KALRN: variants seen among roughly 807,000 people sequenced by gnomAD.
The protein encoded by KALRN is kalirin.
KALRN carries 70 observed loss-of-function variants against 353.7 expected under a neutral mutation model. The ratio of observed to expected loss-of-function variants is 0.20; its 90% CI spans 0.16 to 0.24. KALRN has a LOEUF of 0.24. KALRN is among the 10% of genes least tolerant of loss of function. The probability of loss-of-function intolerance (pLI) is 1.00; values close to 1 mark genes in which losing one functional copy is unlikely to be tolerated. For synonymous variants in KALRN, 1,391 were observed against 1,434.8 expected (o/e 0.97, Z 0.69); for missense variants, 2,791 against 3,756.7 (o/e 0.74, Z 6.72).
At position 124,382,497 on chromosome 3, in the gene KALRN, G is replaced by A. The variant is rs1176344207; in HGVS notation, c.1771-2348G>A. Among the ~76,000 whole-genome samples the A allele has an allele frequency of 3.3e-5, 5 of 152,128 alleles. No individual in the cohort carries two copies. The East Asian group carries it at 7.7e-4, about 23-fold the overall frequency. ...CAGCCATCCCAATTTTCCCAGGACC[G>A]AGGGGATTTCTGGGACACAGGAATT... On this transcript the variant is annotated intron_variant, in intron 10 of 59. Transcript: ENST00000682506.
intron 34 of KALRN, among the ~76,000 whole-genome samples, chr3:124,568,743 A>G (rs551322200): frequency 6.6e-6 from 1 of 152,348 alleles, no homozygotes; most frequent in African/African-American, 2.4e-5. Flanking sequence ...CCAGACACAA[A>G]AGGACAAATA....
intron 34 of KALRN, among the ~76,000 whole-genome samples, chr3:124,583,198 C>T (rs1292876088): frequency 6.6e-6 from 1 of 152,176 alleles, no homozygotes; most frequent in African/African-American, 2.4e-5. Context: ...TCCAGGAAGG[C>T]ATTGGTTACC....
At chr3:124,482,925 C>T (rs778131608) in intron 28 of KALRN, 25 bp downstream of exon 28, 1 of 1,454,572 alleles carries the variant, frequency 6.9e-7, no homozygotes, top group Non-Finnish European at 9.7e-7. Context: ...CTCTACATCC[C>T]CCTCCACTGC....
chr3:124,629,395 A>C (rs1033789767), intron 34 of KALRN, among the ~76,000 whole-genome samples: 4 of 151,634 alleles, frequency 2.6e-5, no homozygotes, highest in Non-Finnish European at 4.4e-5. Flanking sequence ...AACAAAAAAA[A>C]CTCTTTTTAT....
chr3:124,446,049 G>T (rs2093829124), intron 19 of KALRN, 112 bp from the exon 20 acceptor site: 3 of 636,060 alleles, frequency 4.7e-6, no homozygotes, highest in Non-Finnish European at 8.5e-6. Context: ...GTCTCATGGG[G>T]ATGCTTGAAA....
At chr3:124,117,193 G>T (rs761549318) in intron 1 of KALRN, among the ~76,000 whole-genome samples, 1 of 152,130 alleles carries the variant, frequency 6.6e-6, no homozygotes, top group Non-Finnish European at 1.5e-5. Flanking sequence ...GCTTCCTTCT[G>T]ATCTGCATCA....
rs1214930111 is a variant in KALRN at position 124,384,867 on chromosome 3, A to G, written c.1793A>G (p.Lys598Arg). 3 of 1,607,028 alleles carry G rather than the reference A, an allele frequency of 1.9e-6. No homozygotes were observed. Among genetic ancestry groups the G allele is most frequent in the Non-Finnish European group, 2.6e-6 (3 of 1,175,738 alleles). ...VAQNTYTNAD[K>R]LLEAAEQLAQ... ...CAGAATACGTACACCAATGCGGACA[A>G]GCTCCTAGAAGCAGCAGAGCAGTTG... Residue 598 changes from lysine (K) to arginine (R), a missense_variant, in exon 11 of 60, where the codon AAG becomes AGG. Around this residue, in one of 11 missense-constraint regions of KALRN, gnomAD observed 452 missense variants for 575.8 expected, o/e 0.78. Coordinates refer to ENST00000682506, the MANE Select transcript of KALRN (RefSeq NM_001388419.1).
intron 5 of KALRN, among the ~76,000 whole-genome samples, chr3:124,270,191 C>T (rs2073983575): frequency 6.6e-6 from 1 of 152,102 alleles, no homozygotes; most frequent in South Asian, 2.1e-4. Context: ...CTGGATATAA[C>T]TTATATTTAA....
chr3:124,074,258 A>T (rs2060158935), intron 1 of KALRN, among the ~76,000 whole-genome samples: 1 of 152,240 alleles, frequency 6.6e-6, no homozygotes, highest in South Asian at 2.1e-4. Context: ...TAGAATTCTC[A>T]GTTCATAGCT....
At chr3:124,203,191 G>A (rs1283925187) in intron 1 of KALRN, among the ~76,000 whole-genome samples, 1 of 152,190 alleles carries the variant, frequency 6.6e-6, no homozygotes, top group Non-Finnish European at 1.5e-5. Context: ...CAGTGCAGCA[G>A]TTTGGGGTGC....
chr3:124,694,371 G>A lies in KALRN; in HGVS notation c.7445G>A (p.Cys2482Tyr), dbSNP rs1559858989. 2.5e-6 allele frequency: 4 copies of A among 1,614,186 alleles called. No homozygotes were observed. In the South Asian group the frequency reaches 4.4e-5, roughly 18 times the overall value. The change falls in exon 53 of 60, where the codon TGC becomes TAC. Residue 2482 changes from cysteine to tyrosine, a missense_variant. Transcript: ENST00000682506. ...EFLVPLVDVT[C>Y]LLGDTVILQC... Reference sequence around the variant, plus strand: ...CTTGTGCCCTTGGTGGATGTGACCTGCTTGCTTGGGGACACAGTGATACTG... The same window carrying A: ...CTTGTGCCCTTGGTGGATGTGACCTACTTGCTTGGGGACACAGTGATACTG...
intron 1 of KALRN, among the ~76,000 whole-genome samples, chr3:124,042,049 C>T (rs1325573202): frequency 1.3e-5 from 2 of 152,174 alleles, no homozygotes; most frequent in Admixed American, 6.5e-5. Flanking sequence ...GCTTTGTACA[C>T]TTAAGGGAGT....
chr3:124,660,745 A>G (rs534091264), intron 43 of KALRN, among the ~76,000 whole-genome samples, 178 bp from the exon 44 acceptor site: 9 of 151,708 alleles, frequency 5.9e-5, no homozygotes, highest in Non-Finnish European at 1.2e-4. Context: ...AGTTCTCTCT[A>G]TGTTATTACA....
intron 19 of KALRN, among the ~76,000 whole-genome samples, chr3:124,444,797 C>A (rs377356659): frequency 0.014 from 1,398 of 100,996 alleles, no homozygotes; most frequent in Non-Finnish European, 0.015. Context: ...AAGACCCTGT[C>A]AAAAAAAAAA....
chr3:124,149,720 A>G (rs2067836299), intron 1 of KALRN, among the ~76,000 whole-genome samples: 1 of 152,238 alleles, frequency 6.6e-6, no homozygotes, highest in Non-Finnish European at 1.5e-5. Context: ...TAAGGTGAGT[A>G]TGAGATTCAG....
intron 31 of KALRN, 76 bp from the exon 32 acceptor site, chr3:124,492,664 G>C (rs1233110045): frequency 6.9e-7 from 1 of 1,448,994 alleles, no homozygotes; most frequent in Admixed American, 1.9e-5. Flanking sequence ...GATGAAGACT[G>C]CAGGAGGGTT....
At chr3:124,684,800 A>C (rs1297668336) in intron 51 of KALRN, among the ~76,000 whole-genome samples, 2 of 152,058 alleles carry the variant, frequency 1.3e-5, no homozygotes, top group Non-Finnish European at 2.9e-5. Context: ...TTTCCTTCTG[A>C]GACTCAACTG....
At chr3:124,679,764 T>C in intron 51 of KALRN, 1 of 558,236 alleles carries the variant, frequency 1.8e-6, no homozygotes, top group South Asian at 2.0e-5. Flanking sequence ...TGCTAAATAT[T>C]TTCTCCTTTG....
intron 51 of KALRN, among the ~76,000 whole-genome samples, chr3:124,683,591 A>C (rs1187973731): frequency 6.6e-6 from 1 of 152,244 alleles, no homozygotes; most frequent in Non-Finnish European, 1.5e-5. Context: ...AAAACAAAAC[A>C]AAACCCAATA....
Sources: allele counts gnomAD v4.1 joint callset (sites outside exome capture counted in the v4.1 genomes callset), GRCh38; gene constraint gnomAD v4.1.1; regional missense constraint gnomAD v4.1.1; transcripts MANE v1.5; gene names NCBI Gene and HGNC (gene_info 2026-07-23, HGNC 2026-07-21).